The following ZNF469 variants were observed in gnomAD, a reference collection of about 807,000 sequenced individuals.
ZNF469 encodes the protein zinc finger protein 469.
In ZNF469, 1 loss-of-function variant was observed where a neutral mutation model predicts 1.0. The ratio of observed to expected loss-of-function variants is 1.00; its 90% CI spans 0.35 to 4.73. The LOEUF is 4.73. Ranked by LOEUF, ZNF469 falls within the 30% of genes most tolerant of loss-of-function variation. The probability of loss-of-function intolerance (pLI) is 0.16; values close to 1 mark genes in which losing one functional copy is unlikely to be tolerated. For missense variants in ZNF469, 6,100 were observed against 5,356.3 expected (o/e 1.14, Z -4.33); for synonymous variants, 2,703 against 2,363.4 (o/e 1.14, Z -4.17).
upstream of ZNF469, among the ~76,000 whole-genome samples, chr16:88,381,146 A>T (rs62652235): frequency 8.2e-6 from 1 of 122,044 alleles, no homozygotes; most frequent in African/African-American, 3.8e-5. Flanking sequence ...ACTCACACAC[A>T]CACTCACACA....
the ZNF469 span, among the ~76,000 whole-genome samples, chr16:88,110,593 A>C: frequency 0.23 from 35,141 of 152,286 alleles, 4,901 homozygotes; most frequent in Non-Finnish European, 0.3. Context: ...TCTCTGCCTC[A>C]GTGTGAACTG....
At chr16:88,227,874 C>T in the ZNF469 span, among the ~76,000 whole-genome samples, 2 of 152,196 alleles carry the variant, frequency 1.3e-5, no homozygotes, top group Non-Finnish European at 2.9e-5. Flanking sequence ...CGCAGGTGTA[C>T]CCCGCCAGGC....
the ZNF469 span, among the ~76,000 whole-genome samples, chr16:88,261,237 G>A: frequency 2.0e-5 from 3 of 152,226 alleles, no homozygotes; most frequent in Non-Finnish European, 4.4e-5. The surrounding 1 kb of genome is among the most constrained non-coding windows in gnomAD (Gnocchi z 6.0). Flanking sequence ...GAGGCAAAGT[G>A]TGCAGAGAGA....
At chr16:88,410,760 C>G (rs1905136252) in intron 1 of ZNF469, among the ~76,000 whole-genome samples, 1 of 152,266 alleles carries the variant, frequency 6.6e-6, no homozygotes, top group Middle Eastern at 3.4e-3. Context: ...ACAGTAACGT[C>G]TATGATGCTG....
the ZNF469 span, among the ~76,000 whole-genome samples, chr16:88,167,938 T>C: frequency 6.6e-6 from 1 of 152,224 alleles, no homozygotes; most frequent in Non-Finnish European, 1.5e-5. Context: ...GCCAGGCGTC[T>C]TGAACACTGC....
At chr16:88,176,856 C>T in the ZNF469 span, among the ~76,000 whole-genome samples, 7 of 152,348 alleles carry the variant, frequency 4.6e-5, no homozygotes, top group East Asian at 1.4e-3. Flanking sequence ...CCAACCAGAA[C>T]AGATGCAGCA....
At chr16:88,106,197 C>G in the ZNF469 span, among the ~76,000 whole-genome samples, 2 of 152,210 alleles carry the variant, frequency 1.3e-5, no homozygotes, top group East Asian at 3.9e-4. Flanking sequence ...GCTCCAGCCT[C>G]CACCCGCGCC....
the ZNF469 span, among the ~76,000 whole-genome samples, chr16:88,295,695 C>A: frequency 2.0e-5 from 3 of 152,136 alleles, no homozygotes; most frequent in South Asian, 2.1e-4. Context: ...TGGGCCAGGC[C>A]CCCGGGAGAT....
chr16:88,167,854 G>A, the ZNF469 span, among the ~76,000 whole-genome samples: 1 of 152,230 alleles, frequency 6.6e-6, no homozygotes, highest in Non-Finnish European at 1.5e-5. Flanking sequence ...TCCTTACAGC[G>A]ATGATCTGAT....
chr16:88,433,870 G>A lies in ZNF469; in HGVS notation c.6400G>A (p.Asp2134Asn). The A allele has an allele frequency of 2.6e-6, 4 of 1,548,932 alleles. No individual in the cohort carries two copies. The highest frequency in any genetic ancestry group is 3.5e-6 in the Non-Finnish European group (4 of 1,146,064). The change falls in exon 3 of 3, where the codon GAC (aspartate) becomes AAC (asparagine). Residue 2134 changes from aspartate (D) to asparagine (N), a missense_variant. Asp to Asn is a conservative substitution (Grantham distance 23, BLOSUM62 1). Transcript: ENST00000565624. Reference protein sequence around the residue: ...PCSLGPLPREDPLTSPSRAQG... With the variant: ...PCSLGPLPRENPLTSPSRAQG... ...CAGCCTTGGGCCCCTGCCCCGTGAA[G>A]ACCCACTTACCTCGCCTTCCAGGGC...
rs563827222 is a variant in ZNF469, at chr16:88,436,094, C to T, written c.8624C>T (p.Pro2875Leu). The T allele has an allele frequency of 1.5e-5, 23 of 1,549,792 alleles. No homozygotes were observed. Among genetic ancestry groups the T allele is most frequent in the East Asian group, 9.8e-5 (4 of 40,908 alleles). Reference protein sequence around the residue: ...PGGRLTRKRNPHVYGKRCEKP... With the variant: ...PGGRLTRKRNLHVYGKRCEKP... ...GGTCGCTTGACTAGAAAGAGGAACC[C>T]GCATGTCTACGGGAAGCGCTGTGAG... is the stretch of plus-strand genomic sequence containing the variant. Residue 2875 changes from proline (P) to leucine (L), a missense_variant, in exon 3 of 3, where the codon CCG (proline) becomes CTG (leucine). Physicochemically the swap from Pro to Leu is moderately conservative, Grantham distance 98. Coordinates refer to ENST00000565624, the MANE Select transcript of ZNF469 (RefSeq NM_001367624.2).
chr16:88,344,639 C>T, the ZNF469 span, among the ~76,000 whole-genome samples: 4 of 152,170 alleles, frequency 2.6e-5, no homozygotes, highest in Non-Finnish European at 5.9e-5. Context: ...CACCCTCAGG[C>T]GGTGCCCGGG....
At chr16:88,259,944 G>A in the ZNF469 span, among the ~76,000 whole-genome samples, 1 of 152,102 alleles carries the variant, frequency 6.6e-6, no homozygotes, top group Admixed American at 6.5e-5. This position sits in a 1 kb window ranked among gnomAD's most constrained non-coding sequence, Gnocchi z 4.1. Flanking sequence ...AACTGTTTTA[G>A]AATAAAAAGA....
the ZNF469 span, among the ~76,000 whole-genome samples, chr16:88,156,222 T>G: frequency 6.6e-6 from 1 of 152,272 alleles, no homozygotes; most frequent in Non-Finnish European, 1.5e-5. Flanking sequence ...TGATATCTTT[T>G]GCACAGAAGT....
chr16:88,407,531 C>T (rs1180727028), intron 1 of ZNF469, among the ~76,000 whole-genome samples: 3 of 152,206 alleles, frequency 2.0e-5, no homozygotes, highest in African/African-American at 4.8e-5. Context: ...CGTGTGCATC[C>T]GACGTCTGAG....
the ZNF469 span, among the ~76,000 whole-genome samples, chr16:88,116,955 G>GCACA: frequency 4.0e-5 from 6 of 151,202 alleles, no homozygotes; most frequent in African/African-American, 1.5e-4. Flanking sequence ...GTGCATGCGT[G>GCACA]CACACACACA....
chr16:88,153,253 G>A, the ZNF469 span, among the ~76,000 whole-genome samples: 2 of 152,174 alleles, frequency 1.3e-5, no homozygotes, highest in African/African-American at 4.8e-5. Flanking sequence ...AGGGTGTTCC[G>A]GGGTGTCCCC....
the ZNF469 span, among the ~76,000 whole-genome samples, chr16:88,286,747 C>T: frequency 6.6e-6 from 1 of 152,214 alleles, no homozygotes; most frequent in Non-Finnish European, 1.5e-5. Context: ...TTTCATGTTC[C>T]CAGTGCTGCG....
At chr16:88,409,811 C>T (rs1251895753) in intron 1 of ZNF469, among the ~76,000 whole-genome samples, 4 of 150,842 alleles carry the variant, frequency 2.7e-5, no homozygotes, top group Non-Finnish European at 5.9e-5. Context: ...GAGGTCCTCG[C>T]TCAGTGGCCT....
Sources: gnomAD v4.1 joint callset for allele counts (sites outside exome capture counted in the v4.1 genomes callset) on GRCh38, gnomAD v4.1.1 for gene constraint, Gnocchi (gnomAD v3.1) non-coding constraint, MANE v1.5 for transcripts, NCBI Gene and HGNC (gene_info 2026-07-23, HGNC 2026-07-21) for gene names.